Variants in RGS20 observed in about 807,000 individuals in gnomAD.
The protein encoded by RGS20 is gz-selective GTPase-activating protein.
Under a neutral mutation model 33.6 loss-of-function variants are expected in RGS20, and 30 were observed. That is an observed-to-expected ratio of 0.89 (90% CI 0.67 to 1.21). RGS20 has a LOEUF of 1.21. Among genes scored for constraint, RGS20 ranks in the 50% most tolerant of loss-of-function variants. RGS20 has a pLI of 0.00. For synonymous variants in RGS20, 208 were observed against 197.9 expected (o/e 1.05, Z -0.43); for missense variants, 472 against 502.4 (o/e 0.94, Z 0.58).
rs1811586663 is a variant in RGS20, at chr8:53,852,378, C to A, written c.165+314C>A. Among the ~76,000 whole-genome samples, 3 of 151,712 alleles carry A rather than the reference C, an allele frequency of 2.0e-5. No individual in the cohort carries two copies. In the South Asian group the frequency reaches 6.2e-4, roughly 32 times the overall value. On this transcript the variant is annotated intron_variant, in intron 1 of 5. Coordinates refer to ENST00000297313, the MANE Select transcript of RGS20 (RefSeq NM_170587.4). Reference sequence around the variant, plus strand: ...AGATTTTGTGGCTATTAGTGTTAGCCCTAGGATATCTTTCTCCGATATAAA... The same window carrying A: ...AGATTTTGTGGCTATTAGTGTTAGCACTAGGATATCTTTCTCCGATATAAA...
chr8:53,947,044 A>T (rs1415604337), intron 4 of RGS20, among the ~76,000 whole-genome samples: 1 of 147,554 alleles, frequency 6.8e-6, no homozygotes, highest in Non-Finnish European at 1.5e-5. Context: ...TACTTTTAAA[A>T]ATAAAAGTAT....
Position 53,894,994 on chromosome 8 carries a change from C to T in RGS20, c.510+15392C>T, listed in dbSNP as rs187831805. Reference sequence around the variant, plus strand: ...AGGCTTGTGGGTCATTGCAATTACTCACCTCTGCTACTGTAGCAGAAAGCT... The same window carrying T: ...AGGCTTGTGGGTCATTGCAATTACTTACCTCTGCTACTGTAGCAGAAAGCT... On this transcript the variant is annotated intron_variant, in intron 2 of 5. Coordinates refer to ENST00000297313, the MANE Select transcript of RGS20 (RefSeq NM_170587.4). Among the ~76,000 whole-genome samples the T allele has an allele frequency of 3.3e-5, 5 of 152,192 alleles. No homozygotes were observed. In the East Asian group the frequency reaches 9.6e-4, roughly 29 times the overall value.
At chr8:53,892,038 C>T (rs1406119561) in intron 2 of RGS20, among the ~76,000 whole-genome samples, 3 of 151,826 alleles carry the variant, frequency 2.0e-5, no homozygotes, top group East Asian at 3.9e-4. Flanking sequence ...TATCCCTCCC[C>T]TCTCCCCACA....
At chr8:53,912,272 A>C (rs1245124946) in intron 2 of RGS20, among the ~76,000 whole-genome samples, 1 of 152,148 alleles carries the variant, frequency 6.6e-6, no homozygotes, top group East Asian at 1.9e-4. Context: ...AACTTCTCTA[A>C]GCTCATACAG....
intron 1 of RGS20, among the ~76,000 whole-genome samples, chr8:53,872,619 A>G (rs1812103917): frequency 1.3e-5 from 2 of 151,820 alleles, no homozygotes; most frequent in African/African-American, 2.4e-5. Context: ...TTCTCTTTCT[A>G]CTCCCCCATG....
At chr8:53,892,243 G>T (rs1812730492) in intron 2 of RGS20, among the ~76,000 whole-genome samples, 1 of 152,182 alleles carries the variant, frequency 6.6e-6, no homozygotes, top group African/African-American at 2.4e-5. Context: ...TGGCTGCATA[G>T]TATTCCATGG....
intron 1 of RGS20, among the ~76,000 whole-genome samples, chr8:53,866,866 G>C (rs553693307): frequency 1.3e-5 from 2 of 152,124 alleles, no homozygotes; most frequent in African/African-American, 2.4e-5. Context: ...GTTGGCTCTC[G>C]CTGGGGATTA....
At chr8:53,931,532 G>A (rs999811729) in intron 2 of RGS20, among the ~76,000 whole-genome samples, 2 of 151,476 alleles carry the variant, frequency 1.3e-5, no homozygotes, top group African/African-American at 4.8e-5. Context: ...TCCAGCCTGG[G>A]CAACAAGAGC....
chr8:53,954,064 G>T lies in RGS20; in HGVS notation c.744-12G>T. ...GTTCCCTTTTGCCCCCTCTCTTTTG[G>T]TCTCCACGAAGCCCTGCTCCTACTC... On this transcript the variant is annotated splice_polypyrimidine_tract_variant and intron_variant, in intron 4 of 5. Transcript: ENST00000297313. 6.3e-7 allele frequency: 1 copy of T among 1,592,296 alleles called. No individual in the cohort carries two copies. The highest frequency in any genetic ancestry group is 8.6e-7 in the Non-Finnish European group (1 of 1,160,500).
intron 1 of RGS20, among the ~76,000 whole-genome samples, chr8:53,867,275 A>C (rs1413148690): frequency 2.6e-5 from 4 of 152,118 alleles, no homozygotes; most frequent in Non-Finnish European, 4.4e-5. Context: ...TTTTAAAAAA[A>C]ATATTCTGAG....
At chr8:53,905,996 A>G (rs1206647425) in intron 2 of RGS20, among the ~76,000 whole-genome samples, 1 of 152,080 alleles carries the variant, frequency 6.6e-6, no homozygotes, top group Non-Finnish European at 1.5e-5. Context: ...TTCGACTTCC[A>G]GTTCTGTCTG....
At chr8:53,865,576 G>A (rs1811901560) in intron 1 of RGS20, among the ~76,000 whole-genome samples, 1 of 152,130 alleles carries the variant, frequency 6.6e-6, no homozygotes, top group East Asian at 1.9e-4. Flanking sequence ...TTATATCCCA[G>A]TACTGCTTAG....
At chr8:53,935,118 G>A (rs571688877) in intron 2 of RGS20, among the ~76,000 whole-genome samples, 2 of 152,166 alleles carry the variant, frequency 1.3e-5, no homozygotes, top group Non-Finnish European at 2.9e-5. Flanking sequence ...GCAGCGTTTA[G>A]AGGGAAATTT....
intron 1 of RGS20, among the ~76,000 whole-genome samples, chr8:53,870,148 C>T (rs1812029868): frequency 6.6e-6 from 1 of 152,182 alleles, no homozygotes; most frequent in African/African-American, 2.4e-5. Context: ...CTCCATCCCA[C>T]CTTTTCCAAC....
intron 3 of RGS20, among the ~76,000 whole-genome samples, chr8:53,942,151 T>C (rs1463918954): frequency 6.6e-6 from 1 of 152,010 alleles, no homozygotes; most frequent in Non-Finnish European, 1.5e-5. Flanking sequence ...CACATGCCCA[T>C]AATCCCAGCT....
intron 4 of RGS20, among the ~76,000 whole-genome samples, chr8:53,947,007 ATTATG>A (rs1478627647): frequency 2.0e-5 from 3 of 149,708 alleles, no homozygotes; most frequent in Non-Finnish European, 4.4e-5. Flanking sequence ...AACAAAACAT[ATTATG>A]TTATTTTATT....
At chr8:53,860,229 A>G (rs1427364013) in intron 1 of RGS20, among the ~76,000 whole-genome samples, 1 of 152,240 alleles carries the variant, frequency 6.6e-6, no homozygotes, top group Admixed American at 6.5e-5. Context: ...ATATATTCAA[A>G]TATTCAAGAA....
intron 4 of RGS20, 89 bp downstream of exon 3, chr8:53,946,837 A>G: frequency 4.7e-6 from 5 of 1,062,526 alleles, no homozygotes; most frequent in Non-Finnish European, 1.4e-6. Flanking sequence ...AACAGAACAC[A>G]TACTTTCTCT....
intron 4 of RGS20, among the ~76,000 whole-genome samples, chr8:53,950,141 G>A (rs1299911921): frequency 2.0e-5 from 3 of 152,066 alleles, no homozygotes; most frequent in Non-Finnish European, 2.9e-5. Flanking sequence ...CGCCCAGCGT[G>A]TTAACACATT....
Sources: allele counts gnomAD v4.1 joint callset (sites outside exome capture counted in the v4.1 genomes callset), GRCh38; gene constraint gnomAD v4.1.1; transcripts MANE v1.5; gene names NCBI Gene and HGNC (gene_info 2026-07-23, HGNC 2026-07-21).